KIF6: variants seen among roughly 807,000 people sequenced by gnomAD.
The protein encoded by KIF6 is kinesin family member 6, also known as kinesin-like protein KIF6.
KIF6 carries 106 observed loss-of-function variants against 112.7 expected under a neutral mutation model. That is an observed-to-expected ratio of 0.94 (90% CI 0.80 to 1.11). The LOEUF (loss-of-function observed/expected upper bound fraction) is 1.11. Ranked by LOEUF, KIF6 falls within the 50% of genes least tolerant of loss-of-function variation. The pLI is 0.00. For synonymous variants in KIF6, 339 were observed against 339.9 expected (o/e 1.00, Z 0.03); for missense variants, 929 against 964.0 (o/e 0.96, Z 0.48).
chr6:39,560,435 T>C (rs567204844), intron 10 of KIF6, among the ~76,000 whole-genome samples: 1 of 152,334 alleles, frequency 6.6e-6, no homozygotes, highest in South Asian at 2.1e-4. Flanking sequence ...GTAAGTCACA[T>C]CACTTCTCTG....
At chr6:39,626,693 C>A (rs1487383176) in intron 5 of KIF6, among the ~76,000 whole-genome samples, 2 of 152,192 alleles carry the variant, frequency 1.3e-5, no homozygotes, top group Non-Finnish European at 2.9e-5. Context: ...CCTGGTATTT[C>A]AAAAAACAAC....
At chr6:39,380,183 C>T (rs975103047) in intron 16 of KIF6, among the ~76,000 whole-genome samples, 2 of 152,324 alleles carry the variant, frequency 1.3e-5, no homozygotes, top group Non-Finnish European at 1.5e-5. Flanking sequence ...TTCCAACTGA[C>T]GCCTAATTTA....
chr6:39,629,660 G>T (rs2150749771), intron 5 of KIF6, among the ~76,000 whole-genome samples: 1 of 151,966 alleles, frequency 6.6e-6, no homozygotes, highest in Non-Finnish European at 1.5e-5. Context: ...TCTTAACAGT[G>T]TCTTTCACAG....
intron 3 of KIF6, among the ~76,000 whole-genome samples, chr6:39,701,120 C>A (rs566673753): frequency 3.9e-5 from 6 of 152,186 alleles, no homozygotes; most frequent in Non-Finnish European, 7.3e-5. Flanking sequence ...TGTTTTATTG[C>A]GATGTTAACA....
chr6:39,354,484 A>G (rs980818534), intron 19 of KIF6, among the ~76,000 whole-genome samples: 2 of 152,256 alleles, frequency 1.3e-5, no homozygotes, highest in African/African-American at 4.8e-5. Context: ...TTAAAGATCT[A>G]AATGTAAAAA....
At chr6:39,466,301 T>C (rs375665794) in intron 13 of KIF6, among the ~76,000 whole-genome samples, 3 of 152,306 alleles carry the variant, frequency 2.0e-5, no homozygotes, top group African/African-American at 4.8e-5. Flanking sequence ...TTGGACTTTC[T>C]GGAGGAACAC....
chr6:39,535,170 C>T (rs1778344887), intron 13 of KIF6, among the ~76,000 whole-genome samples: 1 of 152,150 alleles, frequency 6.6e-6, no homozygotes, highest in Non-Finnish European at 1.5e-5. Flanking sequence ...AGCAAAATAA[C>T]CAGCTGACAT....
intron 13 of KIF6, among the ~76,000 whole-genome samples, chr6:39,503,894 C>T (rs911036924): frequency 8.6e-5 from 13 of 150,980 alleles, no homozygotes; most frequent in Non-Finnish European, 3.0e-5. Flanking sequence ...AGCCCAGGAC[C>T]AGAAAGATTC....
chr6:39,343,075 G>C lies in KIF6; in HGVS notation c.2428+634C>G. 1 of 985,416 alleles carries C rather than the reference G, an allele frequency of 1.0e-6. No individual in the cohort carries two copies. The highest frequency in any genetic ancestry group is 1.1e-4 in the East Asian group (1 of 8,816). The allele number at this position is 985,416 out of a possible 1,614,324, so 61.0% of individuals were successfully genotyped here. A position where few individuals can be genotyped will look rare whatever the true frequency, so the allele number is the denominator to read the frequency against. On this transcript the variant is annotated intron_variant, in intron 22 of 22. Transcript: ENST00000287152. This position sits in a 1 kb window ranked among gnomAD's most constrained non-coding sequence, Gnocchi z 4.1. ...GGGCTTGCCCTGTGGGTGTGTTGGG[G>C]ATGGAAGGCAGAAAGAGAAAAGGCC...
intron 16 of KIF6, among the ~76,000 whole-genome samples, chr6:39,383,654 T>G (rs1392482701): frequency 6.6e-6 from 1 of 152,228 alleles, no homozygotes; most frequent in East Asian, 1.9e-4. Context: ...TCTTTTATGG[T>G]TCCATATGAA....
intron 10 of KIF6, among the ~76,000 whole-genome samples, chr6:39,575,558 C>CTG (rs1472355961): frequency 6.6e-6 from 1 of 152,164 alleles, no homozygotes; most frequent in African/African-American, 2.4e-5. Context: ...GCGTGAGCCA[C>CTG]CACGCCCGGC....
chr6:39,604,403 G>A lies in KIF6; in HGVS notation c.640-8143C>T, dbSNP rs572255373. Among the ~76,000 whole-genome samples, 10 of 152,238 alleles carry A rather than the reference G, an allele frequency of 6.6e-5. No homozygotes were observed. The South Asian group carries it at 1.5e-3, about 22-fold the overall frequency. On this transcript the variant is annotated intron_variant, in intron 6 of 22. Transcript: ENST00000287152. ...CTGACCAAACCTAGTGGTTTAGCAC[G>A]TGACCCTACAAACACCTACCTTGAA...
chr6:39,707,759 G>A (rs1181697908), intron 3 of KIF6, among the ~76,000 whole-genome samples: 1 of 152,192 alleles, frequency 6.6e-6, no homozygotes, highest in African/African-American at 2.4e-5. Flanking sequence ...ACATTGAATA[G>A]GGCACTGACG....
At chr6:39,557,423 A>G (rs1779764015) in intron 10 of KIF6, among the ~76,000 whole-genome samples, 1 of 152,184 alleles carries the variant, frequency 6.6e-6, no homozygotes, top group Non-Finnish European at 1.5e-5. Context: ...TTAAAAGAAA[A>G]TGACCATGAA....
At chr6:39,438,947 T>C (rs952240347) in intron 13 of KIF6, among the ~76,000 whole-genome samples, 5 of 152,240 alleles carry the variant, frequency 3.3e-5, no homozygotes, top group South Asian at 2.1e-4. Flanking sequence ...TGTGTTACAA[T>C]TGCCTACAGT....
intron 9 of KIF6, among the ~76,000 whole-genome samples, chr6:39,579,799 A>G (rs1781189090): frequency 6.6e-6 from 1 of 151,948 alleles, no homozygotes; most frequent in African/African-American, 2.4e-5. Context: ...ATTTGCTATT[A>G]TAATTATATA....
At chr6:39,575,624 C>A (rs780245401) in intron 10 of KIF6, among the ~76,000 whole-genome samples, 3 of 152,150 alleles carry the variant, frequency 2.0e-5, no homozygotes, top group Non-Finnish European at 4.4e-5. Context: ...CTAAAGACAG[C>A]AACTGGTCTT....
chr6:39,530,159 A>G (rs962832108), intron 13 of KIF6, among the ~76,000 whole-genome samples: 2 of 152,174 alleles, frequency 1.3e-5, no homozygotes, highest in African/African-American at 4.8e-5. Flanking sequence ...GGGCCTTTCT[A>G]TATACACAGC....
intron 10 of KIF6, among the ~76,000 whole-genome samples, chr6:39,576,174 G>C (rs1231277070): frequency 6.6e-6 from 1 of 151,940 alleles, no homozygotes; most frequent in African/African-American, 2.4e-5. Flanking sequence ...CTCCATGCTG[G>C]AGTGCAATGG....
Sources: gnomAD v4.1 joint callset for allele counts (sites outside exome capture counted in the v4.1 genomes callset) on GRCh38, gnomAD v4.1.1 for gene constraint, Gnocchi (gnomAD v3.1) non-coding constraint, MANE v1.5 for transcripts, NCBI Gene and HGNC (gene_info 2026-07-23, HGNC 2026-07-21) for gene names.